Variants in JAKMIP3 observed in about 807,000 individuals in gnomAD.
The protein encoded by JAKMIP3 is janus kinase and microtubule-interacting protein 3.
A neutral mutation model predicts 118.5 loss-of-function variants in JAKMIP3; 58 were observed. The observed-to-expected ratio is 0.49, with a 90% CI of 0.40 to 0.61. The LOEUF (loss-of-function observed/expected upper bound fraction) is 0.61, where lower values mean the gene tolerates loss of function less well. Among genes scored for constraint, JAKMIP3 ranks in the 20% least tolerant of loss-of-function variants. JAKMIP3 has a pLI of 0.00. For synonymous variants in JAKMIP3, 486 were observed against 451.2 expected, an observed-to-expected ratio of 1.08 and a Z score of -0.98; for missense variants, 950 against 1,109.0, an observed-to-expected ratio of 0.86 and a Z score of 2.04.
intron 1 of JAKMIP3, among the ~76,000 whole-genome samples, chr10:132,100,281 A>G (rs2044640901): frequency 6.6e-6 from 1 of 152,098 alleles, no homozygotes; most frequent in African/African-American, 2.4e-5. Context: ...GACTCAGTGC[A>G]GAGTGTGCCA....
At chr10:132,174,910 G>A (rs1017671681) in intron 23 of JAKMIP3, among the ~76,000 whole-genome samples, 1 of 152,084 alleles carries the variant, frequency 6.6e-6, no homozygotes, top group African/African-American at 2.4e-5. Context: ...TACCTTCTTT[G>A]GTGAAACATC....
chr10:132,063,148 A>G (rs2038459312), upstream of JAKMIP3, among the ~76,000 whole-genome samples: 1 of 152,168 alleles, frequency 6.6e-6, no homozygotes, highest in African/African-American at 2.4e-5. Context: ...GACAGGTGAC[A>G]ACTGCCCGTG....
intron 1 of JAKMIP3, among the ~76,000 whole-genome samples, chr10:132,099,769 C>G (rs1021156358): frequency 3.6e-4 from 55 of 152,246 alleles, no homozygotes; most frequent in Admixed American, 1.3e-3. Context: ...GTCCCCTGGG[C>G]ACCGCCTGCC....
In JAKMIP3 at chr10:132,138,191, A is replaced by G. The variant is rs373137544; in HGVS notation, c.1344+13A>G. 3.7e-5 allele frequency: 59 copies of G among 1,605,468 alleles called. No homozygotes were observed. The African/African-American group carries it at 5.8e-4, about 16-fold the overall frequency. On this transcript the variant is annotated intron_variant, in intron 9 of 23. Coordinates refer to ENST00000684848, the MANE Select transcript of JAKMIP3 (RefSeq NM_001323087.2). ...AAAACTTCCCAAGGTAAGGAACAGC[A>G]CACCGGCACGTGCGGAGAGTACGCC...
At chr10:132,065,732 CCGAGAAGCGTCTGTTCGCG>C (rs2133876487), upstream of JAKMIP3, among the ~76,000 whole-genome samples, 1 of 152,114 alleles carries the variant, frequency 6.6e-6, no homozygotes, top group African/African-American at 2.4e-5. The surrounding 1 kb of genome is among the most constrained non-coding windows in gnomAD (Gnocchi z 5.6). Flanking sequence ...CCCTTCCCCA[CCGAGAAGCGTCTGTTCGCG>C]CCCTGCAGGG....
At chr10:132,075,286 T>G (rs185504202) in intron 1 of JAKMIP3, among the ~76,000 whole-genome samples, 133 of 152,292 alleles carry the variant, frequency 8.7e-4, no homozygotes, top group African/African-American at 3.2e-3. Flanking sequence ...TTAACTGAAT[T>G]TTTAGTGTTT....
chr10:132,036,808 C>G (rs1300929541), intron 1 of JAKMIP3, among the ~76,000 whole-genome samples: 2 of 151,624 alleles, frequency 1.3e-5, no homozygotes, highest in Non-Finnish European at 1.5e-5. Flanking sequence ...ACGGTGCGTC[C>G]GGGACGCGGG....
chr10:132,084,288 C>A (rs115806331), intron 1 of JAKMIP3, among the ~76,000 whole-genome samples: 1,539 of 152,064 alleles, frequency 0.01, 26 homozygotes, highest in African/African-American at 0.034. Context: ...TATTTTATTT[C>A]TTTTGCAGCT....
chr10:132,161,739 ATCTCTCCCTGTGTGATGCTGGGGGGTG>A (rs2058360393), intron 19 of JAKMIP3, among the ~76,000 whole-genome samples: 20 of 31,122 alleles, frequency 6.4e-4, no homozygotes, highest in African/African-American at 1.1e-3. Context: ...GCTGGGGGGT[ATCTCTCCCTGTGTGATGCTGGGGGGTG>A]TCTCTCCCTG....
chr10:132,109,286 G>C (rs1589833382), intron 2 of JAKMIP3, among the ~76,000 whole-genome samples: 1 of 152,108 alleles, frequency 6.6e-6, no homozygotes. Context: ...CTGGGTGACA[G>C]AGCAAGACTG....
At chr10:132,043,693 C>A (rs1030979219) in intron 1 of JAKMIP3, among the ~76,000 whole-genome samples, 2 of 152,180 alleles carry the variant, frequency 1.3e-5, no homozygotes, top group African/African-American at 4.8e-5. Context: ...ATGTTTTCCA[C>A]CTGGACACAG....
At chr10:132,174,709 A>G (rs548142361) in intron 23 of JAKMIP3, among the ~76,000 whole-genome samples, 1 of 152,180 alleles carries the variant, frequency 6.6e-6, no homozygotes, top group East Asian at 1.9e-4. Context: ...TGACTGTTCC[A>G]TTTTGCATTT....
chr10:132,037,512 A>T (rs755139630), intron 1 of JAKMIP3, among the ~76,000 whole-genome samples: 8 of 152,016 alleles, frequency 5.3e-5, no homozygotes, highest in Non-Finnish European at 1.2e-4. Flanking sequence ...GCCTCCCTCC[A>T]CCTGCGGGTG....
intron 2 of JAKMIP3, among the ~76,000 whole-genome samples, chr10:132,109,093 C>CAT (rs199571463): frequency 0.018 from 2,517 of 138,838 alleles, 123 homozygotes; most frequent in African/African-American, 0.04. Flanking sequence ...TATACACACA[C>CAT]ATATATATAT....
upstream of JAKMIP3, among the ~76,000 whole-genome samples, chr10:132,061,244 G>GCA (rs1554913470): frequency 7.7e-5 from 10 of 130,648 alleles, no homozygotes; most frequent in African/African-American, 2.6e-4. Flanking sequence ...CCGTGACGGC[G>GCA]CACACACACA....
chr10:132,156,122 G>A (rs1031909042), intron 19 of JAKMIP3, among the ~76,000 whole-genome samples: 15 of 152,128 alleles, frequency 9.9e-5, no homozygotes, highest in African/African-American at 3.1e-4. Context: ...TCCTCTGCCC[G>A]CGCCTTCTGG....
intron 21 of JAKMIP3, among the ~76,000 whole-genome samples, chr10:132,166,559 C>T (rs1342337819): frequency 2.6e-5 from 4 of 152,184 alleles, no homozygotes; most frequent in Non-Finnish European, 4.4e-5. Flanking sequence ...GTTTGCTGGG[C>T]ACTTGGAATG....
At chr10:132,154,859 ATGGTGGTGATAG>A (rs1447047173) in intron 19 of JAKMIP3, among the ~76,000 whole-genome samples, 1 of 90,674 alleles carries the variant, frequency 1.1e-5, no homozygotes. Context: ...GGTGGTGGTG[ATGGTGGTGATAG>A]TGGTGGTGAT....
At chr10:132,141,204 G>A (rs1229937013) in intron 10 of JAKMIP3, among the ~76,000 whole-genome samples, 1 of 152,226 alleles carries the variant, frequency 6.6e-6, no homozygotes, top group Non-Finnish European at 1.5e-5. Context: ...GCAGACCCTG[G>A]AGGGTGGCCC....
Sources: allele counts gnomAD v4.1 joint callset (sites outside exome capture counted in the v4.1 genomes callset), GRCh38; gene constraint gnomAD v4.1.1; non-coding constraint Gnocchi (gnomAD v3.1); transcripts MANE v1.5; gene names NCBI Gene and HGNC (gene_info 2026-07-23, HGNC 2026-07-21).